CAMK2D: variants seen among roughly 807,000 people sequenced by gnomAD.
The protein encoded by CAMK2D is calcium/calmodulin-dependent protein kinase type II subunit delta.
A neutral mutation model predicts 84.0 loss-of-function variants in CAMK2D; 37 were observed. That is an observed-to-expected ratio of 0.44 (90% CI 0.34 to 0.58). The LOEUF (loss-of-function observed/expected upper bound fraction) is 0.58, where lower values mean the gene tolerates loss of function less well. Among genes scored for constraint, CAMK2D ranks in the 20% least tolerant of loss-of-function variants. CAMK2D has a pLI of 0.02. For synonymous variants in CAMK2D, 202 were observed against 212.5 expected (o/e 0.95, Z 0.43); for missense variants, 448 against 652.5 (o/e 0.69, Z 3.41).
rs568742766 is a variant in CAMK2D, at chr4:113,483,392, G to T, written c.1135+17071C>A. 1.3e-4 allele frequency among the ~76,000 whole-genome samples: 19 copies of T among 151,828 alleles called. No homozygotes were observed. The South Asian group carries it at 3.9e-3, about 32-fold the overall frequency. On this transcript the variant is annotated intron_variant, in intron 16 of 20. Coordinates refer to ENST00000511664, the MANE Select transcript of CAMK2D (RefSeq NM_001321571.2). ...CTGTGTTTGTTCACATATGATAGCAGCTATATCCTTATGCTTCTTTTTTTT... is the reference window on the plus strand; with the variant it reads ...CTGTGTTTGTTCACATATGATAGCATCTATATCCTTATGCTTCTTTTTTTT...
intron 2 of CAMK2D, among the ~76,000 whole-genome samples, chr4:113,668,134 T>A (rs983045716): frequency 6.6e-6 from 1 of 151,788 alleles, no homozygotes; most frequent in Non-Finnish European, 1.5e-5. Context: ...AAAAAAAAAA[T>A]TACGTGAAAA....
At chr4:113,641,469 A>G (rs2099131979) in intron 3 of CAMK2D, among the ~76,000 whole-genome samples, 1 of 152,192 alleles carries the variant, frequency 6.6e-6, no homozygotes, top group Admixed American at 6.5e-5. Flanking sequence ...AAGTGTTTAG[A>G]TACAATATGT....
chr4:113,745,365 C>T (rs2099601933), intron 2 of CAMK2D, among the ~76,000 whole-genome samples: 1 of 152,154 alleles, frequency 6.6e-6, no homozygotes, highest in South Asian at 2.1e-4. Context: ...TTGCTTCTGC[C>T]ATTAAATGTC....
At chr4:113,743,639 T>C (rs1189702126) in intron 2 of CAMK2D, among the ~76,000 whole-genome samples, 1 of 152,134 alleles carries the variant, frequency 6.6e-6, no homozygotes, top group Non-Finnish European at 1.5e-5. Context: ...CAAGCTTATC[T>C]CTTATTCTCA....
At chr4:113,589,250 G>T (rs532398444) in intron 4 of CAMK2D, among the ~76,000 whole-genome samples, 1 of 152,130 alleles carries the variant, frequency 6.6e-6, no homozygotes, top group African/African-American at 2.4e-5. Flanking sequence ...CTATATGAAG[G>T]TGAGGGTAGA....
At chr4:113,661,856 G>C (rs1466839347) in intron 2 of CAMK2D, 84 bp from the exon 3 acceptor site, 1 of 663,852 alleles carries the variant, frequency 1.5e-6, no homozygotes, top group Non-Finnish European at 2.6e-6. Flanking sequence ...ATGACAAAAG[G>C]CCTTTGCATT....
intron 15 of CAMK2D, among the ~76,000 whole-genome samples, chr4:113,502,664 G>A (rs2098070368): frequency 6.6e-6 from 1 of 152,078 alleles, no homozygotes; most frequent in African/African-American, 2.4e-5. Flanking sequence ...AATTGCTTAA[G>A]ACACACAGTC....
intron 13 of CAMK2D, among the ~76,000 whole-genome samples, chr4:113,509,345 T>C (rs970594568): frequency 2.0e-5 from 3 of 152,226 alleles, no homozygotes; most frequent in East Asian, 1.9e-4. Context: ...TTTGGAACTG[T>C]AGTAAATCAG....
intron 3 of CAMK2D, among the ~76,000 whole-genome samples, chr4:113,629,743 T>C (rs1202005059): frequency 2.7e-5 from 4 of 148,964 alleles, no homozygotes; most frequent in Non-Finnish European, 4.4e-5. Flanking sequence ...TGATAATATA[T>C]ATCAAACAAA....
intron 4 of CAMK2D, among the ~76,000 whole-genome samples, chr4:113,598,239 G>A (rs553495209): frequency 4.6e-5 from 7 of 152,010 alleles, no homozygotes; most frequent in Non-Finnish European, 1.0e-4. Flanking sequence ...ACTCTCATAA[G>A]TACAATCAAC....
intron 2 of CAMK2D, among the ~76,000 whole-genome samples, chr4:113,685,901 C>T (rs2099358281): frequency 6.6e-6 from 1 of 151,876 alleles, no homozygotes; most frequent in Non-Finnish European, 1.5e-5. Context: ...CCCGTCTCTA[C>T]TAAAAATACA....
At chr4:113,674,539 T>C (rs2099310257) in intron 2 of CAMK2D, among the ~76,000 whole-genome samples, 1 of 147,582 alleles carries the variant, frequency 6.8e-6, no homozygotes, top group African/African-American at 2.4e-5. Flanking sequence ...ACTTAAATTG[T>C]CTGTGGTTCC....
At chr4:113,706,183 T>C (rs1259941945) in intron 2 of CAMK2D, among the ~76,000 whole-genome samples, 1 of 152,220 alleles carries the variant, frequency 6.6e-6, no homozygotes, top group Non-Finnish European at 1.5e-5. Context: ...AGGACTGAAC[T>C]AGTATTATTA....
intron 13 of CAMK2D, among the ~76,000 whole-genome samples, chr4:113,509,329 T>G (rs1270849524): frequency 6.6e-6 from 1 of 152,214 alleles, no homozygotes; most frequent in Non-Finnish European, 1.5e-5. Context: ...TAGGTCACCA[T>G]GGTAGTTTGG....
intron 2 of CAMK2D, among the ~76,000 whole-genome samples, chr4:113,669,562 T>A (rs1267253825): frequency 1.3e-5 from 2 of 152,158 alleles, no homozygotes; most frequent in Non-Finnish European, 2.9e-5. Context: ...GAAACTCTGA[T>A]TATACCCTTC....
chr4:113,542,753 C>A (rs974534184), intron 6 of CAMK2D, among the ~76,000 whole-genome samples: 2 of 152,108 alleles, frequency 1.3e-5, no homozygotes, highest in Admixed American at 6.5e-5. Flanking sequence ...TTCTCATCTC[C>A]CCCCTTCCCT....
chr4:113,560,442 T>G lies in CAMK2D; in HGVS notation c.276-8346A>C, dbSNP rs367836067. ...CTCGTGGAGAAAATAGAAACATAAATAAAAAATTATGTTCCTGTGGAACAT... is the reference window on the plus strand; with the variant it reads ...CTCGTGGAGAAAATAGAAACATAAAGAAAAAATTATGTTCCTGTGGAACAT... On this transcript the variant is annotated intron_variant, in intron 4 of 20. Transcript: ENST00000511664. Among the ~76,000 whole-genome samples, 3 of 152,190 alleles carry G rather than the reference T, an allele frequency of 2.0e-5. No homozygotes were observed. In the East Asian group the frequency reaches 5.8e-4, roughly 29 times the overall value.
intron 16 of CAMK2D, among the ~76,000 whole-genome samples, chr4:113,493,711 TCTC>T (rs1281944374): frequency 6.6e-6 from 1 of 152,036 alleles, no homozygotes; most frequent in African/African-American, 2.4e-5. Context: ...TTGGGGAAGT[TCTC>T]CTGGATAATA....
At chr4:113,508,679 GCA>G (rs1209044945) in intron 13 of CAMK2D, among the ~76,000 whole-genome samples, 2 of 152,170 alleles carry the variant, frequency 1.3e-5, no homozygotes, top group Non-Finnish European at 2.9e-5. Flanking sequence ...AATCACAAAT[GCA>G]CAGTCATCAG....
Sources: allele counts gnomAD v4.1 joint callset (sites outside exome capture counted in the v4.1 genomes callset), GRCh38; gene constraint gnomAD v4.1.1; transcripts MANE v1.5; gene names NCBI Gene and HGNC (gene_info 2026-07-23, HGNC 2026-07-21).